Variants in THSD7B observed in about 807,000 individuals in gnomAD.
The protein encoded by THSD7B is thrombospondin type-1 domain-containing protein 7B.
A neutral mutation model predicts 213.6 loss-of-function variants in THSD7B; 138 were observed. That is an observed-to-expected ratio of 0.65 (90% confidence interval 0.56 to 0.74). THSD7B has a LOEUF of 0.74. Among genes scored for constraint, THSD7B ranks in the 30% least tolerant of loss-of-function variants. The probability of loss-of-function intolerance (pLI) is 0.00; values close to 1 mark genes in which losing one functional copy is unlikely to be tolerated. For missense variants in THSD7B, 1,931 were observed against 1,991.5 expected (o/e 0.97, Z 0.58); for synonymous variants, 742 against 687.0 (o/e 1.08, Z -1.25).
At chr2:137,010,964 A>G (rs1686219758) in intron 2 of THSD7B, among the ~76,000 whole-genome samples, 1 of 152,186 alleles carries the variant, frequency 6.6e-6, no homozygotes, top group Non-Finnish European at 1.5e-5. Flanking sequence ...TCAGGAGGTA[A>G]TTAACATAAT....
intron 12 of THSD7B, among the ~76,000 whole-genome samples, chr2:137,276,986 A>T (rs1030913316): frequency 6.6e-6 from 1 of 152,116 alleles, no homozygotes. Context: ...CCACTTTCTT[A>T]AGACATTTTA....
At chr2:137,258,890 G>A (rs958676563) in intron 10 of THSD7B, among the ~76,000 whole-genome samples, 1 of 151,520 alleles carries the variant, frequency 6.6e-6, no homozygotes, top group Non-Finnish European at 1.5e-5. Context: ...CTGTGTCCAT[G>A]TGTTCTCTTT....
intron 5 of THSD7B, among the ~76,000 whole-genome samples, chr2:137,134,907 G>A (rs1434478845): frequency 1.3e-5 from 2 of 152,098 alleles, no homozygotes; most frequent in Non-Finnish European, 2.9e-5. Flanking sequence ...GCCTAAGACA[G>A]CAGGCCCTAG....
chr2:137,455,029 T>C (rs1687736635), intron 15 of THSD7B, among the ~76,000 whole-genome samples: 1 of 152,150 alleles, frequency 6.6e-6, no homozygotes, highest in South Asian at 2.1e-4. Flanking sequence ...AATTTTGATG[T>C]GTGTATGTGT....
intron 1 of THSD7B, among the ~76,000 whole-genome samples, chr2:136,860,204 G>A (rs948753497): frequency 1.3e-5 from 2 of 151,932 alleles, no homozygotes; most frequent in Non-Finnish European, 2.9e-5. Context: ...GGCCAGGGCA[G>A]TAGAATGAGA....
chr2:137,003,015 C>G (rs1686030358), intron 2 of THSD7B, among the ~76,000 whole-genome samples: 1 of 152,110 alleles, frequency 6.6e-6, no homozygotes, highest in Non-Finnish European at 1.5e-5. Context: ...TATACTAACT[C>G]AAGGCTTTTA....
intron 1 of THSD7B, among the ~76,000 whole-genome samples, chr2:136,867,956 G>T (rs1279761023): frequency 2.0e-5 from 3 of 152,136 alleles, no homozygotes; most frequent in Non-Finnish European, 2.9e-5. Context: ...ATTTCTGTCT[G>T]TTTCTGTGAA....
chr2:136,883,748 AAAC>A (rs1435025082), intron 2 of THSD7B, among the ~76,000 whole-genome samples: 2 of 152,222 alleles, frequency 1.3e-5, no homozygotes, highest in Non-Finnish European at 2.9e-5. Context: ...AAGATGGTAA[AAAC>A]AAACTCTACA....
chr2:137,093,810 TG>T (rs1687993938), intron 3 of THSD7B, among the ~76,000 whole-genome samples: 2 of 152,208 alleles, frequency 1.3e-5, no homozygotes, highest in African/African-American at 4.8e-5. Flanking sequence ...GTGCACAACG[TG>T]CAGGTTTGTT....
chr2:137,445,540 T>C (rs1245517290), intron 14 of THSD7B, among the ~76,000 whole-genome samples: 1 of 152,010 alleles, frequency 6.6e-6, no homozygotes, highest in Non-Finnish European at 1.5e-5. Flanking sequence ...CTTACTCATA[T>C]GTGGGAGATT....
chr2:137,438,777 G>A (rs1687341319), intron 14 of THSD7B, among the ~76,000 whole-genome samples: 1 of 152,118 alleles, frequency 6.6e-6, no homozygotes, highest in Non-Finnish European at 1.5e-5. Flanking sequence ...GTTGAATTTT[G>A]TCCCCACAAA....
intron 10 of THSD7B, among the ~76,000 whole-genome samples, chr2:137,246,527 C>T (rs796248325): frequency 1.1e-4 from 17 of 152,242 alleles, no homozygotes; most frequent in African/African-American, 3.4e-4. Context: ...TATTTTGTCC[C>T]GGCTTGATTC....
At chr2:137,374,503 T>A (rs1007375721) in intron 12 of THSD7B, among the ~76,000 whole-genome samples, 1 of 152,206 alleles carries the variant, frequency 6.6e-6, no homozygotes, top group African/African-American at 2.4e-5. Flanking sequence ...CACTGTGCCA[T>A]CTTTATCGGT....
At chr2:137,534,852 T>G (rs1471308277) in intron 15 of THSD7B, among the ~76,000 whole-genome samples, 3 of 151,814 alleles carry the variant, frequency 2.0e-5, no homozygotes, top group Admixed American at 6.6e-5. Context: ...ATTAAACTAG[T>G]TAGAATGACT....
intron 2 of THSD7B, among the ~76,000 whole-genome samples, chr2:136,916,983 A>T (rs955425194): frequency 6.6e-6 from 1 of 152,224 alleles, no homozygotes; most frequent in African/African-American, 2.4e-5. Flanking sequence ...CAGCATTATT[A>T]TGAGGCTATA....
At chr2:137,032,591 C>G (rs893207802) in intron 2 of THSD7B, among the ~76,000 whole-genome samples, 2 of 152,140 alleles carry the variant, frequency 1.3e-5, no homozygotes, top group African/African-American at 4.8e-5. Flanking sequence ...ACTTAATAAA[C>G]TTGGCTTTTT....
At chr2:136,816,025 C>T (rs1401317657) in intron 1 of THSD7B, among the ~76,000 whole-genome samples, 1 of 152,170 alleles carries the variant, frequency 6.6e-6, no homozygotes, top group African/African-American at 2.4e-5. Flanking sequence ...GCTGTGATCA[C>T]ATGTGTCAGT....
chr2:137,087,385 C>T (rs895765759), intron 3 of THSD7B, among the ~76,000 whole-genome samples: 1 of 152,094 alleles, frequency 6.6e-6, no homozygotes, highest in Non-Finnish European at 1.5e-5. Flanking sequence ...CGCTATTTGC[C>T]GATGACATGA....
chr2:137,239,007 T>G (rs1355638522), intron 9 of THSD7B, among the ~76,000 whole-genome samples: 1 of 152,196 alleles, frequency 6.6e-6, no homozygotes, highest in Non-Finnish European at 1.5e-5. Context: ...CTTTTAATAT[T>G]AGTTTATTTT....
Sources: gnomAD v4.1 joint callset for allele counts (sites outside exome capture counted in the v4.1 genomes callset) on GRCh38, gnomAD v4.1.1 for gene constraint, MANE v1.5 for transcripts, NCBI Gene and HGNC (gene_info 2026-07-23, HGNC 2026-07-21) for gene names.